JAK1: variants seen among roughly 807,000 people sequenced by gnomAD.
The protein encoded by JAK1 is Janus kinase 1, also known as tyrosine-protein kinase JAK1.
Under a neutral mutation model 136.6 loss-of-function variants are expected in JAK1, and 16 were observed. The ratio of observed to expected loss-of-function variants is 0.12; its 90% confidence interval spans 0.08 to 0.18. The LOEUF (loss-of-function observed/expected upper bound fraction) is 0.18, where lower values mean the gene tolerates loss of function less well. JAK1 is among the 10% of genes least tolerant of loss of function. The pLI is 1.00. For synonymous variants in JAK1, 492 were observed against 519.5 expected (o/e 0.95, Z 0.72); for missense variants, 859 against 1,450.1 (o/e 0.59, Z 6.62).
chr1:64,932,105 T>A (rs899027090), intron 1 of JAK1, among the ~76,000 whole-genome samples: 1 of 150,310 alleles, frequency 6.7e-6, no homozygotes, highest in Non-Finnish European at 1.5e-5. Context: ...GAGGTAGACA[T>A]CATGGCACTT....
chr1:64,833,800 G>A lies in JAK1; in HGVS notation c.*762C>T, dbSNP rs564717806. On this transcript the variant is annotated 3_prime_UTR_variant, in exon 25 of 25. Transcript: ENST00000342505. ...TAAAAGCATGTGTAATAGCATCCAG[G>A]TTCTGGGAATGAGTTCTGATTAAAG... 1 of 232,880 alleles carries A rather than the reference G, an allele frequency of 4.3e-6. No individual in the cohort carries two copies. Among genetic ancestry groups the A allele is most frequent in the Admixed American group, 5.6e-5 (1 of 17,780 alleles). 14.4% of individuals were successfully genotyped at this position (232,880 alleles called of 1,614,324 possible).
intron 1 of JAK1, chr1:64,941,956 C>T (rs1001213915): frequency 3.3e-5 from 5 of 152,040 alleles, no homozygotes; most frequent in Admixed American, 2.6e-4. Flanking sequence ...CGGCCTGGAG[C>T]GACTGTGTCA....
chr1:64,917,571 G>C (rs940669236), intron 1 of JAK1, among the ~76,000 whole-genome samples: 1 of 152,148 alleles, frequency 6.6e-6, no homozygotes, highest in Admixed American at 6.5e-5. Flanking sequence ...CAAGATCCCC[G>C]TAGACTGCAT....
intron 1 of JAK1, among the ~76,000 whole-genome samples, chr1:65,055,377 C>A (rs61786882): frequency 0.12 from 17,923 of 152,228 alleles, 1,459 homozygotes; most frequent in East Asian, 0.18. Context: ...TAGGTATACA[C>A]TACATTTCAT....
chr1:64,982,845 T>C (rs779383990), intron 2 of JAK1, among the ~76,000 whole-genome samples: 11 of 151,714 alleles, frequency 7.3e-5, no homozygotes, highest in Non-Finnish European at 1.3e-4. Context: ...TAAGAGAAAA[T>C]CCATATGAAA....
chr1:64,840,748 C>CCT (rs1557622228), intron 19 of JAK1, among the ~76,000 whole-genome samples: 1 of 151,976 alleles, frequency 6.6e-6, no homozygotes, highest in Admixed American at 6.6e-5. Context: ...AGGAAGATTG[C>CCT]TTGAGCCTGG....
intron 17 of JAK1, among the ~76,000 whole-genome samples, chr1:64,843,186 T>C (rs1054679129): frequency 6.6e-6 from 1 of 152,040 alleles, no homozygotes; most frequent in Admixed American, 6.6e-5. Context: ...ATCACTGTTA[T>C]TCCTTTCCCC....
At chr1:64,873,753 G>A (rs955998444) in intron 4 of JAK1, among the ~76,000 whole-genome samples, 13 of 152,096 alleles carry the variant, frequency 8.5e-5, no homozygotes, top group African/African-American at 2.7e-4. Context: ...GTGACTTCCC[G>A]AAGATCACAA....
chr1:64,882,698 G>C (rs190866451), intron 3 of JAK1, among the ~76,000 whole-genome samples: 1 of 152,152 alleles, frequency 6.6e-6, no homozygotes, highest in East Asian at 1.9e-4. Context: ...CACTTGAAAG[G>C]AGAAAAAAAA....
rs554855691 is a variant in JAK1 at position 65,024,593 on chromosome 1, CTTG to C, written c.-78+19884_-78+19886del. On this transcript the variant is annotated intron_variant, in intron 2 of 25. Coordinates refer to the JAK1 transcript ENST00000671954. ...ATTATTAGCTTAAGCATTAATGGAA[CTTG>C]TTGTATCACAGAACTGAAAGTTCTT... 2.7e-3 allele frequency among the ~76,000 whole-genome samples: 376 copies of C among 137,730 alleles called. 5 individuals carry two copies. The highest frequency in any genetic ancestry group is 0.011 in the East Asian group (48 of 4,570). The allele number at this position is 137,730 out of a possible 152,430, so 90.4% of individuals were successfully genotyped here.
chr1:64,951,051 G>C lies in JAK1; in HGVS notation c.-78+15282C>G, dbSNP rs151130773. 1.1e-4 allele frequency among the ~76,000 whole-genome samples: 17 copies of C among 152,210 alleles called. No homozygotes were observed. The East Asian group carries it at 2.9e-3, about 26-fold the overall frequency. ...CTTAAACAGTATTTACTAGACAATGGCTATAAACTCAGAACCAAATATTCA... is the reference window on the plus strand; with the variant it reads ...CTTAAACAGTATTTACTAGACAATGCCTATAAACTCAGAACCAAATATTCA... On this transcript the variant is annotated intron_variant, in intron 1 of 24. Coordinates refer to ENST00000342505, the MANE Select transcript of JAK1 (RefSeq NM_002227.4).
intron 1 of JAK1, among the ~76,000 whole-genome samples, chr1:64,940,073 A>C (rs895854438): frequency 2.0e-5 from 3 of 151,860 alleles, no homozygotes; most frequent in East Asian, 3.8e-4. Flanking sequence ...GATGTCAACA[A>C]ACCTATAAAT....
At position 64,877,376 on chromosome 1, in the gene JAK1, C is replaced by T. The variant is rs537683503; in HGVS notation, c.329+1649G>A. Reference sequence around the variant, plus strand: ...GGGCCTGTGGTAACAAAGCAATATCCTGTTGAAGCACCATGTCAGGTACAG... The same window carrying T: ...GGGCCTGTGGTAACAAAGCAATATCTTGTTGAAGCACCATGTCAGGTACAG... On this transcript the variant is annotated intron_variant, in intron 4 of 24. Coordinates refer to ENST00000342505, the MANE Select transcript of JAK1 (RefSeq NM_002227.4). 3.9e-4 allele frequency among the ~76,000 whole-genome samples: 60 copies of T among 152,030 alleles called. 1 individual carries two copies. Among genetic ancestry groups the T allele is most frequent in the African/African-American group, 1.4e-3 (58 of 41,460 alleles).
At chr1:65,041,076 T>C (rs75162279) in intron 2 of JAK1, among the ~76,000 whole-genome samples, 1,552 of 152,224 alleles carry the variant, frequency 0.01, 27 homozygotes, top group African/African-American at 0.035. Context: ...TCCTGAAATG[T>C]CAAGTGCCCA....
In JAK1 at chr1:64,966,488, G is replaced by A. The variant is rs1178042137; in HGVS notation, c.-233C>T. On this transcript the variant is annotated 5_prime_UTR_variant, in exon 1 of 25. Coordinates refer to ENST00000342505, the MANE Select transcript of JAK1 (RefSeq NM_002227.4). ...GCGAGGACAGCCGGGACTGGGCGCA[G>A]GCCCGCACTGTCTGCAGCTCCAGGA... 3 of 150,776 alleles carry A rather than the reference G, an allele frequency of 2.0e-5. No homozygotes were observed. The highest frequency in any genetic ancestry group is 4.4e-5 in the Non-Finnish European group (3 of 67,596). The allele number at this position is 150,776 out of a possible 1,614,324, so 9.3% of individuals were successfully genotyped here. A position where few individuals can be genotyped will look rare whatever the true frequency, so the allele number is the denominator to read the frequency against.
At chr1:65,003,318 G>T (rs1026843033) in intron 2 of JAK1, among the ~76,000 whole-genome samples, 4 of 152,118 alleles carry the variant, frequency 2.6e-5, no homozygotes, top group Non-Finnish European at 5.9e-5. Flanking sequence ...TGGCCCGCCA[G>T]GTCTAGGTTG....
Position 64,844,307 on chromosome 1 carries a change from A to G in JAK1, c.2252-92T>C. ...TGCAGCCAGAACAGTGAGCCAATGA[A>G]GGAACTACTTCAAGCAGTGTGCCCA... On this transcript the variant is annotated intron_variant, in intron 16 of 24. Transcript: ENST00000342505. This position sits in a 1 kb window ranked among gnomAD's most constrained non-coding sequence, Gnocchi z 5.7. 6.6e-7 allele frequency: 1 copy of G among 1,514,972 alleles called. No individual in the cohort carries two copies. The highest frequency in any genetic ancestry group is 9.1e-7 in the Non-Finnish European group (1 of 1,093,988). 93.8% of individuals were successfully genotyped at this position (1,514,972 alleles called of 1,614,324 possible).
intron 2 of JAK1, among the ~76,000 whole-genome samples, chr1:65,036,063 C>CA (rs953622219): frequency 3.1e-4 from 46 of 150,622 alleles, no homozygotes; most frequent in African/African-American, 8.5e-4. Context: ...GACTCTCTCT[C>CA]AAAAAAAAGA....
intron 12 of JAK1, among the ~76,000 whole-genome samples, chr1:64,850,595 T>C (rs928854630): frequency 6.6e-6 from 1 of 152,220 alleles, no homozygotes; most frequent in Admixed American, 6.5e-5. Flanking sequence ...CCAAACCACT[T>C]ACCTCAAAAC....
Sources: gnomAD v4.1 joint callset for allele counts (sites outside exome capture counted in the v4.1 genomes callset) on GRCh38, gnomAD v4.1.1 for gene constraint, Gnocchi (gnomAD v3.1) non-coding constraint, MANE v1.5 for transcripts, NCBI Gene and HGNC (gene_info 2026-07-23, HGNC 2026-07-21) for gene names.